ACOT12: variants seen among roughly 807,000 people sequenced by gnomAD.
ACOT12 encodes acyl-CoA thioesterase 12.
In ACOT12, 51 loss-of-function variants were observed where a neutral mutation model predicts 67.7. The ratio of observed to expected loss-of-function variants is 0.75; its 90% confidence interval spans 0.60 to 0.95. ACOT12 has a LOEUF of 0.95. ACOT12 is among the 40% of genes least tolerant of loss of function. The probability of loss-of-function intolerance (pLI) is 0.00; values close to 1 mark genes in which losing one functional copy is unlikely to be tolerated. For synonymous variants in ACOT12, 251 were observed against 244.6 expected (o/e 1.03, Z -0.24); for missense variants, 734 against 708.1 (o/e 1.04, Z -0.41).
downstream of ACOT12, among the ~76,000 whole-genome samples, chr5:81,329,574 G>A (rs1160863323): frequency 6.6e-6 from 1 of 152,118 alleles, no homozygotes; most frequent in East Asian, 1.9e-4. Flanking sequence ...ACCAAAAATG[G>A]AGACTCCTTC....
chr5:81,337,848 T>G (rs6886158), intron 11 of ACOT12, among the ~76,000 whole-genome samples: 2,819 of 152,174 alleles, frequency 0.019, 25 homozygotes, highest in African/African-American at 0.023. Context: ...TTTCTGGGGG[T>G]GCTGCTCCCC....
intron 7 of ACOT12, 144 bp from the exon 8 acceptor site, chr5:81,345,185 TC>T: frequency 9.0e-7 from 1 of 1,106,838 alleles, no homozygotes; most frequent in Non-Finnish European, 1.3e-6. Flanking sequence ...TTGTTTGTTA[TC>T]AGCAAACCTG....
intron 5 of ACOT12, among the ~76,000 whole-genome samples, chr5:81,351,106 A>G (rs1330307583): frequency 6.6e-6 from 1 of 152,188 alleles, no homozygotes; most frequent in African/African-American, 2.4e-5. Context: ...TTTTGGTTTT[A>G]CCCAACAATG....
chr5:81,330,948 A>ATGGC lies in ACOT12; in HGVS notation c.1392-9_1392-8insGCCA. 6.3e-7 allele frequency: 1 copy of ATGGC among 1,584,136 alleles called. No homozygotes were observed. The highest frequency in any genetic ancestry group is 8.6e-7 in the Non-Finnish European group (1 of 1,167,238). ...GCCACTGTGTAAGTGTTACTGAAAGAAAACACTTTCTAAGCTCTTGTGAGA... is the reference window on the plus strand; with the variant it reads ...GCCACTGTGTAAGTGTTACTGAAAGATGGCAAACACTTTCTAAGCTCTTGTGAGA... On this transcript the variant is annotated splice_polypyrimidine_tract_variant and intron_variant, in intron 13 of 14. Transcript: ENST00000307624.
intron 4 of ACOT12, among the ~76,000 whole-genome samples, chr5:81,362,891 T>C (rs540692296): frequency 6.6e-5 from 10 of 152,282 alleles, no homozygotes; most frequent in Admixed American, 3.3e-4. Flanking sequence ...CAATATGAAT[T>C]TGCCTTGCAA....
At chr5:81,344,728 G>A (rs1051486316) in intron 8 of ACOT12, among the ~76,000 whole-genome samples, 163 bp downstream of exon 8, 3 of 152,038 alleles carry the variant, frequency 2.0e-5, no homozygotes, top group African/African-American at 4.8e-5. Flanking sequence ...CAGAGTGATC[G>A]GGGGGAAAAG....
At chr5:81,349,851 T>C (rs1180927716) in intron 5 of ACOT12, among the ~76,000 whole-genome samples, 4 of 152,238 alleles carry the variant, frequency 2.6e-5, no homozygotes, top group African/African-American at 9.6e-5. Context: ...GGTAATAAAA[T>C]AGTTGTACTG....
chr5:81,322,468 CAA>C, the ACOT12 span, among the ~76,000 whole-genome samples: 2 of 146,600 alleles, frequency 1.4e-5, no homozygotes, highest in Non-Finnish European at 3.0e-5. Context: ...AAAAAATAAA[CAA>C]AAAAAAAACC....
chr5:81,364,370 T>C (rs1192000233), intron 3 of ACOT12, among the ~76,000 whole-genome samples: 2 of 151,828 alleles, frequency 1.3e-5, no homozygotes, highest in African/African-American at 4.8e-5. Context: ...GAAATACGTG[T>C]GTGTATATAT....
intron 3 of ACOT12, 120 bp from the exon 4 acceptor site, chr5:81,364,009 A>G (rs1373115260): frequency 1.9e-6 from 1 of 513,768 alleles, no homozygotes; most frequent in Admixed American, 4.2e-5. Context: ...CCAGAATTTT[A>G]ATTTATTTTT....
intron 5 of ACOT12, among the ~76,000 whole-genome samples, chr5:81,354,393 A>T (rs941730954): frequency 6.6e-6 from 1 of 152,220 alleles, no homozygotes. Flanking sequence ...TGTTGTGCAG[A>T]CAAATTGTCT....
At chr5:81,336,809 T>C (rs984547985) in intron 11 of ACOT12, among the ~76,000 whole-genome samples, 12 of 152,004 alleles carry the variant, frequency 7.9e-5, no homozygotes, top group South Asian at 2.1e-4. Context: ...ATCAAGCAGA[T>C]GGGAAAAATC....
intron 5 of ACOT12, among the ~76,000 whole-genome samples, chr5:81,348,710 G>T (rs1468583005): frequency 1.3e-5 from 2 of 152,138 alleles, no homozygotes; most frequent in African/African-American, 4.8e-5. Context: ...GCTTACAGGT[G>T]CGTGCCACCA....
the ACOT12 span, chr5:81,309,043 G>C: frequency 6.3e-7 from 1 of 1,595,672 alleles, no homozygotes; most frequent in Non-Finnish European, 8.6e-7. Context: ...CTGATGGTAA[G>C]TACTGTTACC....
chr5:81,341,140 G>A (rs1759180431), intron 11 of ACOT12, among the ~76,000 whole-genome samples: 1 of 152,186 alleles, frequency 6.6e-6, no homozygotes, highest in Admixed American at 6.5e-5. Flanking sequence ...AAAGAAGTAA[G>A]TTTTATAATA....
the ACOT12 span, among the ~76,000 whole-genome samples, chr5:81,319,316 C>G: frequency 6.6e-6 from 1 of 152,222 alleles, no homozygotes; most frequent in Non-Finnish European, 1.5e-5. Context: ...ATTCACGTAT[C>G]ATATAATTGA....
chr5:81,328,375 G>A (rs138361400), downstream of ACOT12, among the ~76,000 whole-genome samples: 311 of 152,142 alleles, frequency 2.0e-3, 3 homozygotes, highest in African/African-American at 7.2e-3. Context: ...TGAACCCGCC[G>A]TGCCTAAGAT....
intron 3 of ACOT12, 61 bp downstream of exon 3, chr5:81,371,689 C>T (rs753335756): frequency 5.3e-6 from 8 of 1,517,650 alleles, no homozygotes; most frequent in Non-Finnish European, 7.3e-6. Flanking sequence ...CCTGCTCTAC[C>T]CTTTGTAAAC....
chr5:81,315,262 C>G, the ACOT12 span, among the ~76,000 whole-genome samples: 1 of 152,164 alleles, frequency 6.6e-6, no homozygotes, highest in Admixed American at 6.5e-5. Flanking sequence ...ATGTTCCAAG[C>G]CATGAGGCCT....
Sources: allele counts gnomAD v4.1 joint callset (sites outside exome capture counted in the v4.1 genomes callset), GRCh38; gene constraint gnomAD v4.1.1; transcripts MANE v1.5; gene names NCBI Gene and HGNC (gene_info 2026-07-23, HGNC 2026-07-21).